Variants in NR2F1 observed in about 807,000 individuals in gnomAD.
NR2F1 encodes the protein nuclear receptor subfamily 2 group F member 1.
NR2F1 carries 1 observed loss-of-function variant against 37.7 expected under a neutral mutation model. That is an observed-to-expected ratio of 0.03 (90% CI 0.01 to 0.13). The LOEUF (loss-of-function observed/expected upper bound fraction) is 0.13, where lower values mean the gene tolerates loss of function less well. NR2F1 is among the 10% of genes least tolerant of loss of function. The probability of loss-of-function intolerance (pLI) is 1.00; values close to 1 mark genes in which losing one functional copy is unlikely to be tolerated. For synonymous variants in NR2F1, 275 were observed against 259.6 expected (o/e 1.06, Z -0.57); for missense variants, 268 against 578.4 (o/e 0.46, Z 5.50).
chr5:93,588,480 G>C (rs1031299196), intron 2 of NR2F1, 36 bp downstream of exon 2: 9 of 1,454,138 alleles, frequency 6.2e-6, no homozygotes, highest in Middle Eastern at 1.8e-4. Flanking sequence ...AGGCCGCGCC[G>C]GCAGCGAGCG....
At chr5:93,592,082 T>C (rs900149907) in intron 2 of NR2F1, 5 of 152,212 alleles carry the variant, frequency 3.3e-5, no homozygotes, top group African/African-American at 1.2e-4. Flanking sequence ...TTTATTTGTA[T>C]TTTTGCTCGA....
chr5:93,588,845 A>G (rs1299522624), intron 2 of NR2F1, among the ~76,000 whole-genome samples: 3 of 151,038 alleles, frequency 2.0e-5, no homozygotes, highest in Non-Finnish European at 4.4e-5. Context: ...GGTGCGTGTT[A>G]TGTGTGAGCC....
At chr5:93,585,545 T>G in intron 1 of NR2F1, 59 bp downstream of exon 1, 1 of 1,413,978 alleles carries the variant, frequency 7.1e-7, no homozygotes. Context: ...GGCTCTTTCT[T>G]TCTTTCTCGC....
chr5:93,592,782 A>T (rs1322686925), intron 2 of NR2F1, among the ~76,000 whole-genome samples: 1 of 150,590 alleles, frequency 6.6e-6, no homozygotes, highest in Non-Finnish European at 1.5e-5. Context: ...TAACTGAGTC[A>T]TATTCTTCCT....
At position 93,588,296 on chromosome 5, in the gene NR2F1, C is replaced by T. The variant is rs746752068; in HGVS notation, c.843C>T (p.Gly281=). The change falls in exon 2 of 3, where the codon GGC becomes GGT. Residue 281 remains glycine, a synonymous_variant. Transcript: ENST00000327111. ...TGGCGCCGTTGCTGGCCGCCGCCGG[C>T]CTGCATGCCTCGCCCATGTCTGCCG... ...LHVAPLLAAA[G]LHASPMSADR... 8.4e-5 allele frequency: 136 copies of T among 1,613,178 alleles called. No homozygotes were observed. Among genetic ancestry groups the T allele is most frequent in the Middle Eastern group, 3.3e-4 (2 of 6,082 alleles).
rs960445494 is a variant in NR2F1, at chr5:93,593,876, A to G, written c.*34A>G. The G allele has an allele frequency of 6.3e-7, 1 of 1,594,238 alleles. No individual in the cohort carries two copies. On this transcript the variant is annotated 3_prime_UTR_variant, in exon 3 of 3. Transcript: ENST00000327111. The surrounding 1 kb of genome is among the most constrained non-coding windows in gnomAD (Gnocchi z 5.6). ...CGCTTCCCACCTGCCCCGTCCCCCTAGAGACTCAGAGGACCCACCTGGGCC... is the reference window on the plus strand; with the variant it reads ...CGCTTCCCACCTGCCCCGTCCCCCTGGAGACTCAGAGGACCCACCTGGGCC...
rs1753220421 is a variant in NR2F1, at chr5:93,585,698, A to G, written c.463+212A>G. On this transcript the variant is annotated intron_variant, in intron 1 of 2. Coordinates refer to ENST00000327111, the MANE Select transcript of NR2F1 (RefSeq NM_005654.6). The stretch of plus-strand genomic sequence containing the variant: ...TGCCTCCCCCTCCCGGCCTGCGCTC[A>G]TCTCCCCGGCTCCCCCACCCCGCCC... The G allele has an allele frequency of 7.8e-6, 4 of 511,216 alleles. No individual in the cohort carries two copies. In the Admixed American group the frequency reaches 1.6e-4, roughly 20 times the overall value. 31.7% of individuals were successfully genotyped at this position (511,216 alleles called of 1,614,324 possible). A position where few individuals can be genotyped will look rare whatever the true frequency, so the allele number is the denominator to read the frequency against.
At chr5:93,588,593 C>G (rs1210387411) in intron 2 of NR2F1, 149 bp downstream of exon 2, 1 of 405,284 alleles carries the variant, frequency 2.5e-6, no homozygotes, top group Non-Finnish European at 3.3e-6. Flanking sequence ...GGGTCTGTGA[C>G]CCCCGCGCGG....
At chr5:93,588,468 G>A (rs1343204748) in intron 2 of NR2F1, 24 bp downstream of exon 2, 2 of 1,492,398 alleles carry the variant, frequency 1.3e-6, no homozygotes, top group Admixed American at 2.2e-5. Flanking sequence ...CGCGGGGAGG[G>A]CAGGCCGCGC....
rs1485860040 is a variant in NR2F1 at position 93,584,752 on chromosome 5, A to G, written c.-272A>G. ...GGCTGCAAAAAGAGAGAAAGAAAAC[A>G]GCAGGAACCACAACAAAACGCCAGC... On this transcript the variant is annotated 5_prime_UTR_variant, in exon 1 of 3. Transcript: ENST00000327111. 1.3e-5 allele frequency: 2 copies of G among 150,616 alleles called. No homozygotes were observed. Among genetic ancestry groups the G allele is most frequent in the Non-Finnish European group, 3.0e-5 (2 of 67,680 alleles). The allele number at this position is 150,616 out of a possible 1,614,324, so 9.3% of individuals were successfully genotyped here.
intron 2 of NR2F1, chr5:93,592,294 C>G (rs1252115931): frequency 6.6e-6 from 1 of 152,060 alleles, no homozygotes; most frequent in African/African-American, 2.4e-5. Context: ...TTTCCCAGAT[C>G]TATATATTAG....
At chr5:93,588,865 C>T (rs565992926) in intron 2 of NR2F1, among the ~76,000 whole-genome samples, 28 of 151,740 alleles carry the variant, frequency 1.8e-4, no homozygotes, top group Admixed American at 1.2e-3. Flanking sequence ...CAGAGCTCAG[C>T]GTTTCTGGGG....
intron 1 of NR2F1, 36 bp from the exon 2 acceptor site, chr5:93,587,881 T>A: frequency 6.5e-7 from 1 of 1,534,602 alleles, no homozygotes; most frequent in Non-Finnish European, 8.8e-7. Flanking sequence ...GCTCCCTGGA[T>A]GCACATTGCC....
At position 93,585,287 on chromosome 5, in the gene NR2F1, G is replaced by A. The variant is rs1376775154; in HGVS notation, c.264G>A (p.Val88=). The A allele has an allele frequency of 6.2e-7, 1 of 1,605,612 alleles. No individual in the cohort carries two copies. Among genetic ancestry groups the A allele is most frequent in the Non-Finnish European group, 8.5e-7 (1 of 1,175,890 alleles). Residue 88 remains valine, a synonymous_variant, in exon 1 of 3, where the codon GTG becomes GTA. Transcript: ENST00000327111. ...GCCAGCAGCACATCGAGTGCGTGGT[G>A]TGCGGGGACAAGTCGAGCGGCAAGC... The part of the protein sequence containing the change: ...GQSQQHIECV[V]CGDKSSGKHY...
In NR2F1 at chr5:93,585,142, A is replaced by C; in HGVS notation, c.119A>C (p.Gln40Pro). The C allele has an allele frequency of 1.8e-6, 2 of 1,108,228 alleles. No individual in the cohort carries two copies. Among genetic ancestry groups the C allele is most frequent in the South Asian group, 8.6e-5 (2 of 23,204 alleles). 68.6% of individuals were successfully genotyped at this position (1,108,228 alleles called of 1,614,324 possible). ...ARGGGGGAGEQQQQAGSGAPH... is the reference protein window; with the variant it reads ...ARGGGGGAGEPQQQAGSGAPH... ...GGCGGCGGCGGCGGCGCCGGCGAGC[A>C]GCAGCAGCAGGCGGGCTCGGGCGCG... The change falls in exon 1 of 3, where the codon CAG becomes CCG. Residue 40 changes from glutamine to proline, a missense_variant. Around this residue, in one of 5 missense-constraint regions of NR2F1, gnomAD observed 90 missense variants for 106.5 expected, o/e 0.85. Coordinates refer to ENST00000327111, the MANE Select transcript of NR2F1 (RefSeq NM_005654.6).
chr5:93,590,258 G>T (rs1244719095), intron 2 of NR2F1, among the ~76,000 whole-genome samples: 4 of 152,148 alleles, frequency 2.6e-5, no homozygotes, highest in African/African-American at 9.7e-5. Flanking sequence ...CTTGGAACTG[G>T]ACAGACGTTT....
At position 93,593,868 on chromosome 5, in the gene NR2F1, G is replaced by A. The variant is rs780455841; in HGVS notation, c.*26G>A. On this transcript the variant is annotated 3_prime_UTR_variant, in exon 3 of 3. Transcript: ENST00000327111. This position sits in a 1 kb window ranked among gnomAD's most constrained non-coding sequence, Gnocchi z 5.6. ...ACCTTGGGCGCTTCCCACCTGCCCC[G>A]TCCCCCTAGAGACTCAGAGGACCCA... 2.2e-5 allele frequency: 35 copies of A among 1,604,062 alleles called. No individual in the cohort carries two copies. Among genetic ancestry groups the A allele is most frequent in the Middle Eastern group, 3.3e-4 (2 of 6,036 alleles).
intron 2 of NR2F1, among the ~76,000 whole-genome samples, chr5:93,590,267 T>C (rs970198614): frequency 6.6e-6 from 1 of 152,132 alleles, no homozygotes; most frequent in African/African-American, 2.4e-5. Context: ...GGACAGACGT[T>C]TTCTCAGGAA....
At chr5:93,587,717 G>A in intron 1 of NR2F1, 200 bp from the exon 2 acceptor site, 1 of 595,680 alleles carries the variant, frequency 1.7e-6, no homozygotes, top group Admixed American at 3.2e-5. Flanking sequence ...GCAGTGGCTG[G>A]ACACACTGAG....
Sources: allele counts gnomAD v4.1 joint callset (sites outside exome capture counted in the v4.1 genomes callset), GRCh38; gene constraint gnomAD v4.1.1; regional missense constraint gnomAD v4.1.1; non-coding constraint Gnocchi (gnomAD v3.1); transcripts MANE v1.5; gene names NCBI Gene and HGNC (gene_info 2026-07-23, HGNC 2026-07-21).